GSG1: variants seen among roughly 807,000 people sequenced by gnomAD.
GSG1 encodes germ cell associated 1.
In GSG1, 28 loss-of-function variants were observed where a neutral mutation model predicts 30.8. The observed-to-expected ratio is 0.91, with a 90% CI of 0.67 to 1.25. The LOEUF (loss-of-function observed/expected upper bound fraction) is 1.25, where lower values mean the gene tolerates loss of function less well. Among genes scored for constraint, GSG1 ranks in the 50% most tolerant of loss-of-function variants. The probability of loss-of-function intolerance (pLI) is 0.00; values close to 1 mark genes in which losing one functional copy is unlikely to be tolerated. For missense variants in GSG1, 435 were observed against 444.7 expected (o/e 0.98, Z 0.20); for synonymous variants, 162 against 178.0 (o/e 0.91, Z 0.71).
At chr12:13,086,160 A>G (rs1432097748) in intron 6 of GSG1, among the ~76,000 whole-genome samples, 1 of 152,218 alleles carries the variant, frequency 6.6e-6, no homozygotes, top group Admixed American at 6.5e-5. Flanking sequence ...CAGTAGGTTC[A>G]GTCTGGGATG....
At chr12:13,096,291 C>G (rs897717276) in intron 1 of GSG1, among the ~76,000 whole-genome samples, 1 of 151,662 alleles carries the variant, frequency 6.6e-6, no homozygotes, top group African/African-American at 2.4e-5. Flanking sequence ...GGCTAACATG[C>G]TGAAATCCCG....
At position 13,086,127 on chromosome 12, in the gene GSG1, A is replaced by G. The variant is rs576121084; in HGVS notation, c.747-884T>C. Among the ~76,000 whole-genome samples the G allele has an allele frequency of 4.6e-5, 7 of 152,342 alleles. 1 individual carries two copies. In the South Asian group the frequency reaches 1.2e-3, roughly 27 times the overall value. ...GGTCACATGCGGGCACTGTGTGTTC[A>G]TATCTGCTGCCTCTGACAAATGCAG... is the stretch of plus-strand genomic sequence containing the variant. On this transcript the variant is annotated intron_variant, in intron 6 of 6. Transcript: ENST00000651961.
rs1865350216 is a variant in GSG1, at chr12:13,084,842, T to G, written c.*59A>C. On this transcript the variant is annotated 3_prime_UTR_variant, in exon 7 of 7. Transcript: ENST00000651961. ...GACGGATGTTGGCTTAAGCACATGTTGATAATCAGCAGACGTGTAAGGTAG... is the reference window on the plus strand; with the variant it reads ...GACGGATGTTGGCTTAAGCACATGTGGATAATCAGCAGACGTGTAAGGTAG... 1 of 1,133,884 alleles carries G rather than the reference T, an allele frequency of 8.8e-7. No individual in the cohort carries two copies. Among genetic ancestry groups the G allele is most frequent in the Non-Finnish European group, 1.3e-6 (1 of 797,702 alleles). 70.2% of individuals were successfully genotyped at this position (1,133,884 alleles called of 1,614,324 possible).
At chr12:13,097,567 C>T (rs1296624872) in intron 1 of GSG1, among the ~76,000 whole-genome samples, 1 of 152,110 alleles carries the variant, frequency 6.6e-6, no homozygotes, top group Admixed American at 6.5e-5. Context: ...AATGTAACTT[C>T]CTCAAAGGTC....
At chr12:13,096,054 C>A (rs868445764) in intron 1 of GSG1, among the ~76,000 whole-genome samples, 1 of 152,164 alleles carries the variant, frequency 6.6e-6, no homozygotes, top group Non-Finnish European at 1.5e-5. Flanking sequence ...TACCTTCCCT[C>A]GAGTAGGGTT....
Position 13,099,757 on chromosome 12 carries a change from T to TG in GSG1, c.48+3707_48+3708insC, listed in dbSNP as rs1863039026. Among the ~76,000 whole-genome samples, 3 of 133,864 alleles carry TG rather than the reference T, an allele frequency of 2.2e-5. 1 individual carries two copies. Among genetic ancestry groups the TG allele is most frequent in the South Asian group, 2.7e-4 (1 of 3,664 alleles). 87.8% of individuals were successfully genotyped at this position (133,864 alleles called of 152,430 possible). ...GATCCGGTGTTTTTTTTTGTTTTTT[T>TG]TTTTTTTTTTTGTTTTTTCTTCATG... is the stretch of plus-strand genomic sequence containing the variant. On this transcript the variant is annotated intron_variant, in intron 1 of 6. Coordinates refer to ENST00000651961, the MANE Select transcript of GSG1 (RefSeq NM_001080555.4).
chr12:13,090,598 A>G lies in GSG1; in HGVS notation c.269T>C (p.Val90Ala), dbSNP rs763656506. 6.2e-7 allele frequency: 1 copy of G among 1,614,180 alleles called. No individual in the cohort carries two copies. The highest frequency in any genetic ancestry group is 2.2e-5 in the East Asian group (1 of 44,888). Reference protein sequence around the residue: ...GDTNTSTQEVVQYNWETGDDR... With the variant: ...GDTNTSTQEVAQYNWETGDDR... ...ATCCCCAGTCTCCCAGTTGTATTGTACCACCTCCTGGGTGGATGTGTTGGT... is the reference window on the plus strand; with the variant it reads ...ATCCCCAGTCTCCCAGTTGTATTGTGCCACCTCCTGGGTGGATGTGTTGGT... The change falls in exon 2 of 7, where the codon GTA becomes GCA. Residue 90 changes from valine to alanine, a missense_variant. Val to Ala is a moderately conservative substitution (Grantham distance 64). Transcript: ENST00000651961.
chr12:13,102,874 G>C (rs1451532100), intron 1 of GSG1, among the ~76,000 whole-genome samples: 1 of 152,270 alleles, frequency 6.6e-6, no homozygotes, highest in Admixed American at 6.5e-5. Context: ...TCTGCAGAGT[G>C]TGAGAGTCTT....
chr12:13,086,471 A>G (rs1316304574), intron 6 of GSG1, among the ~76,000 whole-genome samples: 2 of 152,214 alleles, frequency 1.3e-5, no homozygotes, highest in South Asian at 4.1e-4. Context: ...AAATATCAGT[A>G]CAAGTTGGCA....
At position 13,087,268 on chromosome 12, in the gene GSG1, C is replaced by T. The variant is rs770306778; in HGVS notation, c.635-5G>A. The T allele has an allele frequency of 1.2e-5, 20 of 1,606,700 alleles. 1 individual carries two copies. Among genetic ancestry groups the T allele is most frequent in the South Asian group, 6.6e-5 (6 of 90,938 alleles). On this transcript the variant is annotated splice_region_variant and splice_polypyrimidine_tract_variant and intron_variant, in intron 5 of 6. Transcript: ENST00000651961. ...GGGCCACCATCCCCAGGAGACCTACCAAGGAAACAGGAAGGCAGAGCCCTT... is the reference window on the plus strand; with the variant it reads ...GGGCCACCATCCCCAGGAGACCTACTAAGGAAACAGGAAGGCAGAGCCCTT...
chr12:13,095,200 A>G (rs1866555721), intron 1 of GSG1, among the ~76,000 whole-genome samples: 1 of 152,184 alleles, frequency 6.6e-6, no homozygotes, highest in African/African-American at 2.4e-5. Flanking sequence ...CCTTTCCCCA[A>G]ACATGCCTTT....
At chr12:13,095,456 A>G (rs1212269535) in intron 1 of GSG1, 8 of 845,454 alleles carry the variant, frequency 9.5e-6, no homozygotes, top group Non-Finnish European at 1.2e-5. Context: ...CCCTTACATC[A>G]GCATATATTA....
At chr12:13,092,789 CTTTTT>C (rs139352942) in intron 1 of GSG1, among the ~76,000 whole-genome samples, 2 of 144,544 alleles carry the variant, frequency 1.4e-5, no homozygotes. Context: ...TAAACTTTTT[CTTTTT>C]TTTTTTTTTT....
At chr12:13,096,342 C>T (rs987979948) in intron 1 of GSG1, among the ~76,000 whole-genome samples, 4 of 151,838 alleles carry the variant, frequency 2.6e-5, no homozygotes, top group South Asian at 2.1e-4. Context: ...GGCCTGGTGG[C>T]GGGTGCCTGT....
At position 13,090,574 on chromosome 12, in the gene GSG1, TC is replaced by T; in HGVS notation, c.292del (p.Asp98MetfsTer88). 1.9e-6 allele frequency: 3 copies of T among 1,614,212 alleles called. No individual in the cohort carries two copies. The highest frequency in any genetic ancestry group is 2.2e-5 in the South Asian group (2 of 91,086). Reference sequence around the variant, plus strand: ...GAAGCTCCGGAAGGAGAACCGGTCATCCCCAGTCTCCCAGTTGTATTGTACC... The same window carrying T: ...GAAGCTCCGGAAGGAGAACCGGTCATCCCAGTCTCCCAGTTGTATTGTACC... ...EVVQYNWETG[D>X]DRFSFRSFRS... On this transcript the variant is annotated frameshift_variant, in exon 2 of 7. Transcript: ENST00000651961. LOFTEE classifies it high-confidence loss of function.
chr12:13,092,995 C>A (rs1045767518), intron 1 of GSG1, among the ~76,000 whole-genome samples: 1 of 151,474 alleles, frequency 6.6e-6, no homozygotes, highest in African/African-American at 2.4e-5. Flanking sequence ...GGGGTTTCAC[C>A]ATATTGGCCA....
rs116137568 is a variant in GSG1 at position 13,084,490 on chromosome 12, C to T, written c.*411G>A. 3.2e-3 allele frequency: 540 copies of T among 166,426 alleles called. 7 individuals are homozygous for T. Among genetic ancestry groups the T allele is most frequent in the African/African-American group, 0.012 (503 of 41,910 alleles). 10.3% of individuals were successfully genotyped at this position (166,426 alleles called of 1,614,324 possible). ...TCTGTGACTTCCAGAACAATTCGCG[C>T]GTACCATGGAAAGTTGAGCCACAGT... On this transcript the variant is annotated 3_prime_UTR_variant, in exon 7 of 7. Transcript: ENST00000651961.
chr12:13,103,335 A>G, intron 1 of GSG1, 130 bp downstream of exon 1: 1 of 767,306 alleles, frequency 1.3e-6, no homozygotes, highest in Admixed American at 1.9e-5. Flanking sequence ...CCTATAGTGC[A>G]TTTCCAAGCT....
intron 2 of GSG1, 135 bp downstream of exon 2, chr12:13,090,368 G>T: frequency 1.4e-6 from 1 of 725,650 alleles, no homozygotes; most frequent in Non-Finnish European, 2.2e-6. Context: ...AGGGAGTGAG[G>T]CCCACTGGGG....
Sources: allele counts gnomAD v4.1 joint callset (sites outside exome capture counted in the v4.1 genomes callset), GRCh38; gene constraint gnomAD v4.1.1; transcripts MANE v1.5; gene names NCBI Gene and HGNC (gene_info 2026-07-23, HGNC 2026-07-21).